The following CHN2 variants were observed in gnomAD, a reference collection of about 807,000 sequenced individuals.
CHN2 encodes chimerin 2.
In CHN2, 35 loss-of-function variants were observed where a neutral mutation model predicts 56.3. The observed-to-expected ratio is 0.62, with a 90% CI of 0.47 to 0.82. CHN2 has a LOEUF of 0.82. Among genes scored for constraint, CHN2 ranks in the 40% least tolerant of loss-of-function variants. The probability of loss-of-function intolerance (pLI) is 0.00; values close to 1 mark genes in which losing one functional copy is unlikely to be tolerated. For synonymous variants in CHN2, 210 were observed against 212.8 expected (o/e 0.99, Z 0.12); for missense variants, 491 against 580.5 (o/e 0.85, Z 1.58).
At chr7:29,373,721 T>A (rs982149281) in intron 3 of CHN2, among the ~76,000 whole-genome samples, 1 of 152,204 alleles carries the variant, frequency 6.6e-6, no homozygotes, top group Non-Finnish European at 1.5e-5. Flanking sequence ...ATTAATCATA[T>A]CTAGACTTCA....
At chr7:29,469,523 A>G (rs1175795877) in intron 6 of CHN2, among the ~76,000 whole-genome samples, 1 of 152,062 alleles carries the variant, frequency 6.6e-6, no homozygotes. Context: ...GATCTTTGCT[A>G]TTTCTGGAGC....
In CHN2 at chr7:29,287,279, G is replaced by A. The variant is rs575964755; in HGVS notation, c.50-67346G>A. Among the ~76,000 whole-genome samples the A allele has an allele frequency of 3.9e-5, 6 of 152,298 alleles. No individual in the cohort carries two copies. The East Asian group carries it at 1.2e-3, about 29-fold the overall frequency. On this transcript the variant is annotated intron_variant, in intron 1 of 12. Transcript: ENST00000222792. Reference sequence around the variant, plus strand: ...ATCTGAGCCACCTTGCCCCCAGGAAGTGGGGATCTGAAAGAGGATGGCACT... The same window carrying A: ...ATCTGAGCCACCTTGCCCCCAGGAAATGGGGATCTGAAAGAGGATGGCACT...
At chr7:29,440,488 C>T (rs1451425659) in intron 6 of CHN2, among the ~76,000 whole-genome samples, 2 of 151,716 alleles carry the variant, frequency 1.3e-5, no homozygotes, top group African/African-American at 2.4e-5. Context: ...ATCAGGGGTT[C>T]GAGACAAGCC....
chr7:29,320,875 T>C (rs1010145671), intron 1 of CHN2, among the ~76,000 whole-genome samples: 1 of 152,194 alleles, frequency 6.6e-6, no homozygotes, highest in Admixed American at 6.5e-5. Context: ...GTGAATCTGC[T>C]GCAGGCATAG....
At chr7:29,147,131 C>A in intron 2 of CHN2, 1 of 872,058 alleles carries the variant, frequency 1.1e-6, no homozygotes, top group Non-Finnish European at 1.7e-6. Flanking sequence ...TGTAAGTGAC[C>A]TGAGTGTATA....
At chr7:29,400,515 T>C (rs190512543) in intron 5 of CHN2, 28 bp from the exon 6 acceptor site, 3 of 1,609,174 alleles carry the variant, frequency 1.9e-6, no homozygotes, top group African/African-American at 2.7e-5. Context: ...TCTAACGTGG[T>C]TGTAATCCCT....
chr7:29,295,595 A>T (rs930721231), intron 1 of CHN2, among the ~76,000 whole-genome samples: 5 of 152,168 alleles, frequency 3.3e-5, no homozygotes, highest in Admixed American at 6.5e-5. Context: ...AAAAAAAATT[A>T]AAAAAGATGA....
intron 1 of CHN2, among the ~76,000 whole-genome samples, chr7:29,231,687 T>C (rs1786724042): frequency 6.6e-6 from 1 of 152,238 alleles, no homozygotes; most frequent in South Asian, 2.1e-4. Flanking sequence ...ATGTTTCTTT[T>C]GGGACCAAAT....
At chr7:29,352,236 C>T (rs765926106) in intron 1 of CHN2, among the ~76,000 whole-genome samples, 2 of 152,286 alleles carry the variant, frequency 1.3e-5, no homozygotes, top group South Asian at 2.1e-4. Context: ...TGCTTGACCA[C>T]TTCTTGGTCT....
At chr7:29,229,677 T>C (rs1786510371) in intron 1 of CHN2, among the ~76,000 whole-genome samples, 1 of 152,210 alleles carries the variant, frequency 6.6e-6, no homozygotes, top group Non-Finnish European at 1.5e-5. Flanking sequence ...CTGACACCTT[T>C]TGTTGTAAAT....
At chr7:29,418,089 T>C (rs1034960884) in intron 6 of CHN2, among the ~76,000 whole-genome samples, 1 of 152,212 alleles carries the variant, frequency 6.6e-6, no homozygotes, top group African/African-American at 2.4e-5. Flanking sequence ...GAGCGCCTTG[T>C]TGGTTTTGAA....
rs543429548 is a variant in CHN2, at chr7:29,464,024, C to A, written c.577-16255C>A. Among the ~76,000 whole-genome samples the A allele has an allele frequency of 2.0e-4, 30 of 152,308 alleles. No individual in the cohort carries two copies. In the South Asian group the frequency reaches 6.2e-3, roughly 32 times the overall value. ...GGATACATAACAACCTTTTCCACTCCCCACAGTGTCACCCAGGACTTGTTG... is the reference window on the plus strand; with the variant it reads ...GGATACATAACAACCTTTTCCACTCACCACAGTGTCACCCAGGACTTGTTG... On this transcript the variant is annotated intron_variant, in intron 6 of 12. Coordinates refer to ENST00000222792, the MANE Select transcript of CHN2 (RefSeq NM_004067.4).
chr7:29,253,250 C>T (rs1395621306), intron 1 of CHN2, among the ~76,000 whole-genome samples: 1 of 152,228 alleles, frequency 6.6e-6, no homozygotes, highest in Non-Finnish European at 1.5e-5. Flanking sequence ...TCCGGCCTGT[C>T]ATCCTTATAT....
At chr7:29,303,336 T>G (rs1252660420) in intron 1 of CHN2, among the ~76,000 whole-genome samples, 1 of 152,204 alleles carries the variant, frequency 6.6e-6, no homozygotes, top group African/African-American at 2.4e-5. Flanking sequence ...CGGGAATCAT[T>G]CACCTGTTCT....
chr7:29,156,037 CAA>C (rs1794325425), intron 2 of CHN2, among the ~76,000 whole-genome samples: 1 of 152,142 alleles, frequency 6.6e-6, no homozygotes, highest in Non-Finnish European at 1.5e-5. Context: ...TCCCTTAAAT[CAA>C]AAGAGTGCTG....
chr7:29,395,890 C>A (rs1293709092), intron 4 of CHN2, among the ~76,000 whole-genome samples: 1 of 152,070 alleles, frequency 6.6e-6, no homozygotes, highest in Admixed American at 6.5e-5. Context: ...AACTTAAGTT[C>A]TAGGTGACTA....
chr7:29,344,463 A>G (rs1585113585), intron 1 of CHN2, among the ~76,000 whole-genome samples: 1 of 152,010 alleles, frequency 6.6e-6, no homozygotes, highest in African/African-American at 2.4e-5. Flanking sequence ...CCCTCTGGCC[A>G]CCCATCCAGA....
chr7:29,480,529 C>T (rs1461634822), intron 7 of CHN2, among the ~76,000 whole-genome samples, 173 bp downstream of exon 7: 1 of 152,200 alleles, frequency 6.6e-6, no homozygotes, highest in East Asian at 1.9e-4. Flanking sequence ...AACTGGAGAC[C>T]TCAGAAAGCA....
chr7:29,461,097 G>A (rs1785133433), intron 6 of CHN2, among the ~76,000 whole-genome samples: 1 of 152,078 alleles, frequency 6.6e-6, no homozygotes, highest in Middle Eastern at 3.2e-3. Flanking sequence ...TGTATTCCTG[G>A]CCAAAGTAAT....
Sources: gnomAD v4.1 joint callset for allele counts (sites outside exome capture counted in the v4.1 genomes callset) on GRCh38, gnomAD v4.1.1 for gene constraint, MANE v1.5 for transcripts, NCBI Gene and HGNC (gene_info 2026-07-23, HGNC 2026-07-21) for gene names.